NELL1: variants seen among roughly 807,000 people sequenced by gnomAD.
The protein encoded by NELL1 is neural EGFL like 1, also known as protein kinase C-binding protein NELL1.
NELL1 carries 76 observed loss-of-function variants against 107.4 expected under a neutral mutation model. The observed-to-expected ratio is 0.71, with a 90% confidence interval of 0.59 to 0.86. The LOEUF (loss-of-function observed/expected upper bound fraction) is 0.86, where lower values mean the gene tolerates loss of function less well. Among genes scored for constraint, NELL1 ranks in the 40% least tolerant of loss-of-function variants. The pLI is 0.00. For synonymous variants in NELL1, 353 were observed against 341.2 expected, an observed-to-expected ratio of 1.03 and a Z score of -0.38; for missense variants, 1,024 against 1,005.5, an observed-to-expected ratio of 1.02 and a Z score of -0.25.
chr11:21,451,215 AAAAAAG>A (rs1853576148), intron 15 of NELL1, among the ~76,000 whole-genome samples: 3 of 151,468 alleles, frequency 2.0e-5, no homozygotes, highest in South Asian at 2.1e-4. Flanking sequence ...AAAAAAAAAG[AAAAAAG>A]AAAAAGAAAA....
At chr11:21,440,297 AAAGT>A (rs1853247062) in intron 15 of NELL1, among the ~76,000 whole-genome samples, 1 of 119,478 alleles carries the variant, frequency 8.4e-6, no homozygotes, top group South Asian at 2.6e-4. Context: ...TAAGTAAACA[AAAGT>A]AAGTTTTTTT....
intron 15 of NELL1, among the ~76,000 whole-genome samples, chr11:21,435,422 G>A (rs1393965378): frequency 6.9e-6 from 1 of 145,810 alleles, no homozygotes; most frequent in Non-Finnish European, 1.5e-5. Context: ...AGAGATGTTA[G>A]CTTTTATTGT....
chr11:21,331,453 A>G (rs1318012362), intron 14 of NELL1, among the ~76,000 whole-genome samples: 5 of 151,972 alleles, frequency 3.3e-5, no homozygotes, highest in Non-Finnish European at 7.4e-5. Context: ...AAAGCCTCTG[A>G]TGTTGTTCCT....
intron 14 of NELL1, among the ~76,000 whole-genome samples, chr11:21,254,486 A>G (rs1196966644): frequency 6.6e-6 from 1 of 151,618 alleles, no homozygotes; most frequent in Non-Finnish European, 1.5e-5. Flanking sequence ...ATTTATACGA[A>G]AAAAAGACTT....
intron 17 of NELL1, among the ~76,000 whole-genome samples, chr11:21,569,951 A>C (rs1320507533): frequency 6.6e-6 from 1 of 151,874 alleles, no homozygotes; most frequent in Non-Finnish European, 1.5e-5. Context: ...GACAGGTCTT[A>C]CCTTAAATTT....
chr11:20,972,644 C>T (rs1851524333), intron 12 of NELL1, among the ~76,000 whole-genome samples: 1 of 152,076 alleles, frequency 6.6e-6, no homozygotes, highest in South Asian at 2.1e-4. Context: ...GTTTGGAGCT[C>T]AGTGTGGGAG....
intron 13 of NELL1, among the ~76,000 whole-genome samples, chr11:21,205,288 CT>C (rs1857365117): frequency 6.6e-6 from 1 of 152,134 alleles, no homozygotes; most frequent in Admixed American, 6.5e-5. Flanking sequence ...GGGCTGCTGC[CT>C]TTTTTTCAGA....
Position 21,233,695 on chromosome 11 carries a change from G to A in NELL1, c.1549+4241G>A, listed in dbSNP as rs536663331. On this transcript the variant is annotated intron_variant, in intron 14 of 19. Transcript: ENST00000357134. ...AAGTCAGATTTGCATTACCTGACAT[G>A]AAGGTTAGGCTTATCAGCAGCAGAG... is the stretch of plus-strand genomic sequence containing the variant. Among the ~76,000 whole-genome samples the A allele has an allele frequency of 3.9e-5, 6 of 152,324 alleles. No individual in the cohort carries two copies. In the East Asian group the frequency reaches 9.6e-4, roughly 24 times the overall value.
chr11:20,864,143 A>AT (rs1327011336), intron 4 of NELL1, among the ~76,000 whole-genome samples: 6 of 151,940 alleles, frequency 3.9e-5, no homozygotes, highest in African/African-American at 1.4e-4. Flanking sequence ...GAGGGAGAGA[A>AT]TTTTTTTATT....
chr11:21,434,372 G>C (rs946751395), intron 15 of NELL1, among the ~76,000 whole-genome samples: 3 of 152,028 alleles, frequency 2.0e-5, no homozygotes, highest in Non-Finnish European at 2.9e-5. Context: ...TTTGCATATG[G>C]TGAGATATGG....
At chr11:21,554,235 G>T (rs78750560) in intron 16 of NELL1, among the ~76,000 whole-genome samples, 1 of 151,750 alleles carries the variant, frequency 6.6e-6, no homozygotes, top group Non-Finnish European at 1.5e-5. Context: ...ACTTTTCTTC[G>T]TCTACAGTAA....
chr11:21,146,648 G>C (rs1238746509), intron 13 of NELL1, among the ~76,000 whole-genome samples: 1 of 152,210 alleles, frequency 6.6e-6, no homozygotes, highest in African/African-American at 2.4e-5. Flanking sequence ...AGCTATGAGA[G>C]TGAGGTGGGT....
At chr11:21,562,798 A>G (rs1027751895) in intron 17 of NELL1, among the ~76,000 whole-genome samples, 3 of 131,320 alleles carry the variant, frequency 2.3e-5, no homozygotes, top group Non-Finnish European at 5.0e-5. Flanking sequence ...ACACAAACCA[A>G]CAAAAGGTCA....
chr11:21,440,009 G>A (rs995185737), intron 15 of NELL1, among the ~76,000 whole-genome samples: 2 of 152,054 alleles, frequency 1.3e-5, no homozygotes, highest in Non-Finnish European at 2.9e-5. Context: ...ACCAAGGAAA[G>A]GCATGACTAA....
intron 14 of NELL1, among the ~76,000 whole-genome samples, chr11:21,264,130 T>TC (rs1565136662): frequency 6.7e-6 from 1 of 149,794 alleles, no homozygotes; most frequent in Admixed American, 6.7e-5. Flanking sequence ...CTTCCCTCCT[T>TC]AGGAATAGGG....
At chr11:21,174,367 C>T (rs1055800237) in intron 13 of NELL1, among the ~76,000 whole-genome samples, 4 of 151,800 alleles carry the variant, frequency 2.6e-5, no homozygotes, top group Admixed American at 1.3e-4. Flanking sequence ...TAAGCTTTTT[C>T]CCCCATTCTC....
intron 15 of NELL1, among the ~76,000 whole-genome samples, chr11:21,525,384 G>A (rs4620715): frequency 0.16 from 24,959 of 152,116 alleles, 2,347 homozygotes; most frequent in Admixed American, 0.24. Context: ...TTGACTTTGC[G>A]GAGATTGTTC....
chr11:21,049,523 T>A (rs954358537), intron 12 of NELL1, among the ~76,000 whole-genome samples: 1 of 152,116 alleles, frequency 6.6e-6, no homozygotes, highest in Non-Finnish European at 1.5e-5. Context: ...GGTCTGTCAT[T>A]AAGGAACATA....
chr11:20,986,576 T>G (rs548212655), intron 12 of NELL1, among the ~76,000 whole-genome samples: 4 of 152,254 alleles, frequency 2.6e-5, no homozygotes, highest in Admixed American at 6.5e-5. Context: ...GGCCCCACCC[T>G]TAGAGTTTCT....
Sources: allele counts gnomAD v4.1 joint callset (sites outside exome capture counted in the v4.1 genomes callset), GRCh38; gene constraint gnomAD v4.1.1; transcripts MANE v1.5; gene names NCBI Gene and HGNC (gene_info 2026-07-23, HGNC 2026-07-21).